NBAS: variants seen among roughly 807,000 people sequenced by gnomAD.
NBAS encodes the protein NAG/BC035112 fusion.
In NBAS, 219 loss-of-function variants were observed where a neutral mutation model predicts 302.5. The ratio of observed to expected loss-of-function variants is 0.72; its 90% confidence interval spans 0.65 to 0.81. The LOEUF (loss-of-function observed/expected upper bound fraction) is 0.81. Among genes scored for constraint, NBAS ranks in the 30% least tolerant of loss-of-function variants. The pLI is 0.00. For missense variants in NBAS, 2,932 were observed against 2,841.6 expected (o/e 1.03, Z -0.72); for synonymous variants, 1,118 against 1,021.6 (o/e 1.09, Z -1.80).
chr2:15,210,411 C>G (rs1323424104), intron 48 of NBAS, among the ~76,000 whole-genome samples: 1 of 152,094 alleles, frequency 6.6e-6, no homozygotes, highest in Non-Finnish European at 1.5e-5. Flanking sequence ...CAAATCAAAA[C>G]TACAATGAGA....
At chr2:15,171,230 C>G (rs532320888) in intron 51 of NBAS, among the ~76,000 whole-genome samples, 18 of 152,276 alleles carry the variant, frequency 1.2e-4, no homozygotes, top group African/African-American at 4.3e-4. Context: ...ATTCCTCCTT[C>G]CTCCATACTC....
At chr2:14,819,263 TAAG>T in the NBAS span, among the ~76,000 whole-genome samples, 1 of 152,248 alleles carries the variant, frequency 6.6e-6, no homozygotes, top group African/African-American at 2.4e-5. Flanking sequence ...AGATCCCATG[TAAG>T]AATTGTTTTC....
chr2:15,254,997 T>C (rs1169997188), intron 44 of NBAS, among the ~76,000 whole-genome samples: 2 of 152,240 alleles, frequency 1.3e-5, no homozygotes. Context: ...TCCATACTTT[T>C]GCAATTGCGA....
intron 48 of NBAS, among the ~76,000 whole-genome samples, chr2:15,204,245 T>A (rs1165692694): frequency 2.0e-5 from 3 of 151,698 alleles, no homozygotes; most frequent in African/African-American, 7.3e-5. Context: ...GGCAACAGGG[T>A]GAGACCCTTT....
chr2:15,540,322 A>T (rs1572990382), intron 6 of NBAS, among the ~76,000 whole-genome samples: 1 of 151,946 alleles, frequency 6.6e-6, no homozygotes, highest in Non-Finnish European at 1.5e-5. Context: ...CCAGAGCCTT[A>T]CAATTGCCTC....
At chr2:14,802,831 T>C in the NBAS span, among the ~76,000 whole-genome samples, 29 of 136,116 alleles carry the variant, frequency 2.1e-4, no homozygotes, top group Admixed American at 7.7e-4. Context: ...TAGGTGGGAA[T>C]TGAACAATGA....
chr2:14,799,686 T>C, the NBAS span, among the ~76,000 whole-genome samples: 5 of 152,190 alleles, frequency 3.3e-5, no homozygotes, highest in Non-Finnish European at 4.4e-5. Context: ...TACAGTTGTG[T>C]ATTTGTCTGT....
At chr2:14,851,243 G>A in the NBAS span, among the ~76,000 whole-genome samples, 2 of 139,566 alleles carry the variant, frequency 1.4e-5, no homozygotes, top group Non-Finnish European at 3.0e-5. Flanking sequence ...AATGATAAAG[G>A]GGATATCACC....
the NBAS span, among the ~76,000 whole-genome samples, chr2:15,134,328 C>T: frequency 1.6e-4 from 24 of 152,196 alleles, no homozygotes; most frequent in African/African-American, 5.8e-4. Context: ...TCACAGCACA[C>T]AAACGTGCTG....
At chr2:14,812,941 T>C in the NBAS span, among the ~76,000 whole-genome samples, 2 of 152,312 alleles carry the variant, frequency 1.3e-5, no homozygotes, top group South Asian at 4.1e-4. Flanking sequence ...GATAGAGTTC[T>C]CATGAGATCT....
At chr2:15,411,880 G>A (rs1026279130) in intron 25 of NBAS, among the ~76,000 whole-genome samples, 2 of 152,144 alleles carry the variant, frequency 1.3e-5, no homozygotes, top group Admixed American at 1.3e-4. Flanking sequence ...TAGTTTAGAA[G>A]TCAGAGAACA....
the NBAS span, among the ~76,000 whole-genome samples, chr2:14,798,150 T>G: frequency 2.0e-5 from 3 of 152,194 alleles, no homozygotes; most frequent in Admixed American, 6.5e-5. Flanking sequence ...GTGAAGAGAA[T>G]GGACATGGCC....
At chr2:15,522,838 CA>C (rs780323472) in intron 9 of NBAS, among the ~76,000 whole-genome samples, 2 of 152,132 alleles carry the variant, frequency 1.3e-5, no homozygotes, top group Non-Finnish European at 2.9e-5. Flanking sequence ...TTATTGATAA[CA>C]AAAACAGTCT....
At chr2:14,801,672 C>T in the NBAS span, among the ~76,000 whole-genome samples, 2 of 151,668 alleles carry the variant, frequency 1.3e-5, no homozygotes, top group African/African-American at 4.8e-5. Flanking sequence ...TATATTTTTC[C>T]TCTTCTTTGC....
At chr2:15,177,891 A>C in intron 51 of NBAS, 1 of 297,504 alleles carries the variant, frequency 3.4e-6, no homozygotes, top group Non-Finnish European at 6.6e-6. Flanking sequence ...CGGTATTCAC[A>C]AAACCCTTGC....
chr2:14,841,706 T>A, the NBAS span, among the ~76,000 whole-genome samples: 1 of 151,782 alleles, frequency 6.6e-6, no homozygotes, highest in Non-Finnish European at 1.5e-5. Flanking sequence ...CATTAATAGA[T>A]CTACAGGGAG....
intron 9 of NBAS, among the ~76,000 whole-genome samples, chr2:15,522,658 C>T (rs990196494): frequency 3.3e-5 from 5 of 152,098 alleles, no homozygotes; most frequent in African/African-American, 1.2e-4. Context: ...CCAAAAGATT[C>T]CATTAAAACA....
intron 13 of NBAS, 112 bp from the exon 14 acceptor site, chr2:15,475,992 C>A: frequency 1.2e-6 from 1 of 804,834 alleles, no homozygotes; most frequent in Non-Finnish European, 1.9e-6. Flanking sequence ...TTATTTGGGC[C>A]CTAATGGTAT....
At chr2:15,292,204 G>T (rs1312144817) in intron 41 of NBAS, among the ~76,000 whole-genome samples, 1 of 152,116 alleles carries the variant, frequency 6.6e-6, no homozygotes, top group Non-Finnish European at 1.5e-5. Context: ...CAAACTCCTG[G>T]CCTTAAGGGA....
Sources: gnomAD v4.1 joint callset for allele counts (sites outside exome capture counted in the v4.1 genomes callset) on GRCh38, gnomAD v4.1.1 for gene constraint, MANE v1.5 for transcripts, NCBI Gene and HGNC (gene_info 2026-07-23, HGNC 2026-07-21) for gene names.